The following SLC25A26 variants were observed in gnomAD, a reference collection of about 807,000 sequenced individuals.
The protein encoded by SLC25A26 is mitochondrial S-adenosylmethionine carrier protein.
SLC25A26 carries 36 observed loss-of-function variants against 37.8 expected under a neutral mutation model. That is an observed-to-expected ratio of 0.95 (90% CI 0.73 to 1.26). SLC25A26 has a LOEUF of 1.26. Among genes scored for constraint, SLC25A26 ranks in the 50% most tolerant of loss-of-function variants. The probability of loss-of-function intolerance (pLI) is 0.00; values close to 1 mark genes in which losing one functional copy is unlikely to be tolerated. For missense variants in SLC25A26, 390 were observed against 331.1 expected (o/e 1.18, Z -1.38); for synonymous variants, 129 against 122.5 (o/e 1.05, Z -0.35).
At chr3:66,288,345 T>G (rs2074584586) in intron 5 of SLC25A26, among the ~76,000 whole-genome samples, 1 of 152,120 alleles carries the variant, frequency 6.6e-6, no homozygotes, top group Non-Finnish European at 1.5e-5. Flanking sequence ...AAATTAAACT[T>G]TAAGTTCTGG....
chr3:66,240,750 T>TTC (rs200768295), intron 2 of SLC25A26, among the ~76,000 whole-genome samples: 3,348 of 147,658 alleles, frequency 0.023, 125 homozygotes, highest in African/African-American at 0.079. Flanking sequence ...TTCTTTTCTT[T>TTC]TTTTTTTTTT....
chr3:66,339,210 T>A (rs1315024486), intron 5 of SLC25A26, among the ~76,000 whole-genome samples: 3 of 152,100 alleles, frequency 2.0e-5, no homozygotes, highest in Non-Finnish European at 4.4e-5. Context: ...GGTGCTTATG[T>A]TACTGATCTT....
intron 6 of SLC25A26, among the ~76,000 whole-genome samples, chr3:66,359,843 C>G (rs1436874131): frequency 2.6e-5 from 4 of 152,162 alleles, no homozygotes; most frequent in African/African-American, 4.8e-5. Context: ...TCTTTAGAAA[C>G]CAGTCTCTAA....
intron 3 of SLC25A26, among the ~76,000 whole-genome samples, chr3:66,249,310 G>T (rs1469738882): frequency 2.0e-5 from 3 of 152,134 alleles, no homozygotes; most frequent in Non-Finnish European, 4.4e-5. Flanking sequence ...CAAGGCCGTT[G>T]GACCCCCTTT....
At chr3:66,366,759 A>G (rs943500975) in intron 7 of SLC25A26, among the ~76,000 whole-genome samples, 1 of 152,216 alleles carries the variant, frequency 6.6e-6, no homozygotes, top group African/African-American at 2.4e-5. Flanking sequence ...GGGTTTAACA[A>G]TTGGACAAAT....
chr3:66,208,343 G>A (rs2071207624), intron 1 of SLC25A26, among the ~76,000 whole-genome samples: 1 of 152,002 alleles, frequency 6.6e-6, no homozygotes, highest in Admixed American at 6.6e-5. Context: ...AATCAGTTAT[G>A]TCTCTGAGAG....
intron 1 of SLC25A26, among the ~76,000 whole-genome samples, chr3:66,161,665 G>A (rs1360471521): frequency 1.3e-5 from 2 of 152,188 alleles, no homozygotes; most frequent in Non-Finnish European, 2.9e-5. Flanking sequence ...TTGTTTGCCT[G>A]AATTATCTGG....
intron 4 of SLC25A26, among the ~76,000 whole-genome samples, 174 bp downstream of exon 4, chr3:66,262,329 T>C (rs1054689786): frequency 2.0e-5 from 3 of 152,212 alleles, no homozygotes; most frequent in African/African-American, 7.2e-5. Flanking sequence ...TTTTTGAATA[T>C]TTTCATTTAC....
At chr3:66,300,484 A>G (rs1340549733) in intron 5 of SLC25A26, among the ~76,000 whole-genome samples, 1 of 152,068 alleles carries the variant, frequency 6.6e-6, no homozygotes, top group Non-Finnish European at 1.5e-5. Context: ...ACCTTTTCCT[A>G]TTTGTCTTAA....
At chr3:66,273,761 A>G (rs2074036302) in intron 5 of SLC25A26, among the ~76,000 whole-genome samples, 1 of 152,208 alleles carries the variant, frequency 6.6e-6, no homozygotes, top group African/African-American at 2.4e-5. Context: ...GATACAAACG[A>G]ATGGAAGAAC....
chr3:66,187,925 C>A (rs943627854), intron 1 of SLC25A26, among the ~76,000 whole-genome samples: 34,204 of 151,886 alleles, frequency 0.23, 4,490 homozygotes, highest in South Asian at 0.37. Flanking sequence ...CAGACTCTAA[C>A]TTTTATTCTC....
chr3:66,155,442 G>A (rs1042397565), intron 1 of SLC25A26, among the ~76,000 whole-genome samples: 13 of 152,192 alleles, frequency 8.5e-5, no homozygotes, highest in African/African-American at 3.1e-4. Flanking sequence ...GAGCCCAGGA[G>A]GTTGAGGCTA....
At chr3:66,317,222 T>G (rs2075564485) in intron 5 of SLC25A26, among the ~76,000 whole-genome samples, 1 of 152,218 alleles carries the variant, frequency 6.6e-6, no homozygotes, top group African/African-American at 2.4e-5. Context: ...TTGCATTGAT[T>G]CTTTATCATC....
chr3:66,245,288 A>G (rs1008340166), intron 3 of SLC25A26, among the ~76,000 whole-genome samples: 1 of 151,164 alleles, frequency 6.6e-6, no homozygotes, highest in Non-Finnish European at 1.5e-5. Context: ...AAACTAATGC[A>G]GAGGAGAAAT....
intron 5 of SLC25A26, among the ~76,000 whole-genome samples, chr3:66,296,699 G>T (rs2074913514): frequency 6.6e-6 from 1 of 152,168 alleles, no homozygotes; most frequent in Non-Finnish European, 1.5e-5. Flanking sequence ...TCACTAGAAT[G>T]AAAATAAAAC....
chr3:66,307,938 G>A (rs1055722759), intron 5 of SLC25A26, among the ~76,000 whole-genome samples: 3 of 152,194 alleles, frequency 2.0e-5, no homozygotes, highest in Non-Finnish European at 4.4e-5. Context: ...GTAGCATGAT[G>A]CCTCCAGCTT....
At chr3:66,343,089 A>T (rs549609412) in intron 5 of SLC25A26, among the ~76,000 whole-genome samples, 2 of 152,230 alleles carry the variant, frequency 1.3e-5, no homozygotes, top group East Asian at 3.9e-4. Context: ...CCACGTTTTG[A>T]AGAAACAATC....
At chr3:66,323,691 G>A (rs1455562383) in intron 5 of SLC25A26, among the ~76,000 whole-genome samples, 1 of 152,166 alleles carries the variant, frequency 6.6e-6, no homozygotes, top group African/African-American at 2.4e-5. Context: ...GTGCGTGCCT[G>A]TAGTCCCAGC....
chr3:66,301,899 G>C (rs1000097693), intron 5 of SLC25A26, among the ~76,000 whole-genome samples: 10 of 152,144 alleles, frequency 6.6e-5, no homozygotes, highest in Admixed American at 2.6e-4. Flanking sequence ...GACTTATTTT[G>C]TTCCTCTGTA....
Sources: gnomAD v4.1 joint callset for allele counts (sites outside exome capture counted in the v4.1 genomes callset) on GRCh38, gnomAD v4.1.1 for gene constraint, MANE v1.5 for transcripts, NCBI Gene and HGNC (gene_info 2026-07-23, HGNC 2026-07-21) for gene names.